NBPF15: variants seen among roughly 807,000 people sequenced by gnomAD.
The protein encoded by NBPF15 is NBPF family member NBPF15.
In NBPF15, 74 loss-of-function variants were observed where a neutral mutation model predicts 62.2. The ratio of observed to expected loss-of-function variants is 1.19; its 90% CI spans 0.99 to 1.44. The LOEUF (loss-of-function observed/expected upper bound fraction) is 1.44. Ranked by LOEUF, NBPF15 falls within the 40% of genes most tolerant of loss-of-function variation. The probability of loss-of-function intolerance (pLI) is 0.00; values close to 1 mark genes in which losing one functional copy is unlikely to be tolerated. For missense variants in NBPF15, 790 were observed against 550.0 expected, an observed-to-expected ratio of 1.44 and a Z score of -4.36; for synonymous variants, 244 against 209.7, an observed-to-expected ratio of 1.16 and a Z score of -1.41.
chr1:144,440,914 C>T (rs1195118490), intron 6 of NBPF15, among the ~76,000 whole-genome samples: 9 of 151,720 alleles, frequency 5.9e-5, no homozygotes, highest in South Asian at 2.1e-4. Flanking sequence ...CGTGATCTGC[C>T]GCCTCGGCCT....
At chr1:144,427,628 C>T (rs1257975704) in intron 16 of NBPF15, among the ~76,000 whole-genome samples, 190 bp downstream of exon 16, 5 of 145,634 alleles carry the variant, frequency 3.4e-5, no homozygotes, top group African/African-American at 1.1e-4. Context: ...AGGAAGAGAG[C>T]CTTGCTCACT....
chr1:144,447,853 G>A (rs1301441690), intron 6 of NBPF15, among the ~76,000 whole-genome samples: 40 of 152,060 alleles, frequency 2.6e-4, no homozygotes, highest in East Asian at 7.7e-4. Flanking sequence ...GTACAGCCTC[G>A]CTCAATTATG....
chr1:144,425,464 C>T, intron 19 of NBPF15, 53 bp downstream of exon 19: 1 of 350,764 alleles, frequency 2.9e-6, no homozygotes, highest in Non-Finnish European at 5.0e-6. Flanking sequence ...TTCCCTGAAC[C>T]AGGAGTCTCC....
chr1:144,454,543 C>T, intron 4 of NBPF15, among the ~76,000 whole-genome samples: 1 of 109,930 alleles, frequency 9.1e-6, no homozygotes, highest in Non-Finnish European at 1.7e-5. Flanking sequence ...TAAAAAATAA[C>T]ATCTATTACT....
Position 144,440,014 on chromosome 1 carries a change from G to C in NBPF15, c.-11C>G. On this transcript the variant is annotated 5_prime_UTR_variant, in exon 8 of 22. Transcript: ENST00000581897. ...GGCTGATACCACCATGCTGACGTTTGTGGCAGAAGAGGTGGAGTCAGGGAC... is the reference window on the plus strand; with the variant it reads ...GGCTGATACCACCATGCTGACGTTTCTGGCAGAAGAGGTGGAGTCAGGGAC... 2.5e-6 allele frequency: 4 copies of C among 1,606,504 alleles called. No homozygotes were observed. The highest frequency in any genetic ancestry group is 3.4e-6 in the Non-Finnish European group (4 of 1,174,858).
intron 18 of NBPF15, 104 bp downstream of exon 18, chr1:144,426,174 G>A (rs1363310122): frequency 2.9e-5 from 19 of 648,804 alleles, no homozygotes; most frequent in Middle Eastern, 4.0e-4. Context: ...TCCTGCCTGC[G>A]GCAATGACAT....
chr1:144,439,053 G>A (rs1553541997), intron 8 of NBPF15, among the ~76,000 whole-genome samples: 1 of 151,248 alleles, frequency 6.6e-6, no homozygotes, highest in Non-Finnish European at 1.5e-5. Flanking sequence ...GCAAAATCTT[G>A]GCTCACTGCA....
At chr1:144,458,483 T>C (rs1386366892) in intron 3 of NBPF15, among the ~76,000 whole-genome samples, 1 of 150,602 alleles carries the variant, frequency 6.6e-6, no homozygotes, top group Non-Finnish European at 1.5e-5. Flanking sequence ...CATTTATAAA[T>C]TATCACCTAT....
chr1:144,451,031 G>A (rs587656000), intron 4 of NBPF15, among the ~76,000 whole-genome samples, 161 bp from the exon 5 acceptor site: 95 of 152,112 alleles, frequency 6.2e-4, no homozygotes, highest in African/African-American at 2.2e-3. Context: ...AGCATATGGA[G>A]GACCCATGCC....
chr1:144,445,236 ATG>A lies in NBPF15; in HGVS notation c.-191+3537_-191+3538del, dbSNP rs1161129674. On this transcript the variant is annotated intron_variant, in intron 6 of 21. Coordinates refer to ENST00000581897, the MANE Select transcript of NBPF15 (RefSeq NM_001385408.1). The stretch of plus-strand genomic sequence containing the variant: ...TTTATCTTATCAGACTGCAATATGT[ATG>A]TGTGTGTGTGTGTTTGTGTGTGTCT... Among the ~76,000 whole-genome samples the A allele has an allele frequency of 9.4e-4, 130 of 137,884 alleles. 1 individual carries two copies. The highest frequency in any genetic ancestry group is 1.5e-3 in the Non-Finnish European group (94 of 64,146). The allele number at this position is 137,884 out of a possible 152,430, so 90.5% of individuals were successfully genotyped here.
At chr1:144,440,559 A>T (rs1344991625) in intron 6 of NBPF15, 1 of 262,412 alleles carries the variant, frequency 3.8e-6, no homozygotes, top group Non-Finnish European at 7.2e-6. Flanking sequence ...AGGCAGAAAC[A>T]GTTTCCCAAC....
intron 6 of NBPF15, among the ~76,000 whole-genome samples, chr1:144,447,982 G>A (rs753915926): frequency 5.3e-5 from 8 of 152,124 alleles, no homozygotes; most frequent in Non-Finnish European, 7.4e-5. Flanking sequence ...AGCCACTGTC[G>A]GCTGCTCATT....
chr1:144,439,759 C>A (rs1681449894), intron 8 of NBPF15, 70 bp downstream of exon 8: 1 of 1,111,674 alleles, frequency 9.0e-7, no homozygotes, highest in Non-Finnish European at 1.4e-6. Flanking sequence ...ATGGAGAGAG[C>A]ATTTAGTGTC....
chr1:144,436,363 C>T (rs1406640388), intron 10 of NBPF15, among the ~76,000 whole-genome samples: 1 of 151,892 alleles, frequency 6.6e-6, no homozygotes, highest in Non-Finnish European at 1.5e-5. Context: ...CACAAAACGC[C>T]CCCACATAAA....
intron 6 of NBPF15, among the ~76,000 whole-genome samples, chr1:144,445,560 C>T (rs1322325168): frequency 6.7e-6 from 1 of 148,614 alleles, no homozygotes; most frequent in Non-Finnish European, 1.5e-5. Flanking sequence ...GTAGTGAATT[C>T]ATTCGCCATT....
chr1:144,427,656 G>A (rs1162778530), intron 16 of NBPF15, among the ~76,000 whole-genome samples, 162 bp downstream of exon 16: 1 of 145,958 alleles, frequency 6.9e-6, no homozygotes, highest in Non-Finnish European at 1.5e-5. Context: ...CCCTTGTCTG[G>A]GCTTCCAAGT....
intron 12 of NBPF15, 79 bp downstream of exon 12, chr1:144,435,032 G>A (rs587720785): frequency 7.4e-6 from 12 of 1,610,834 alleles, no homozygotes; most frequent in South Asian, 1.1e-5. Flanking sequence ...AAATGAATTT[G>A]TGTTGATAGA....
intron 16 of NBPF15, 49 bp from the exon 17 acceptor site, chr1:144,427,147 A>G (rs1316416085): frequency 1.8e-6 from 1 of 560,872 alleles, no homozygotes; most frequent in Non-Finnish European, 3.1e-6. Flanking sequence ...GTTCTCCTAC[A>G]CACATAACAA....
chr1:144,442,677 C>G, intron 6 of NBPF15: 1 of 157,636 alleles, frequency 6.3e-6, no homozygotes, highest in Non-Finnish European at 1.4e-5. Flanking sequence ...CACCTTCCAT[C>G]TGGGCCGCCA....
Sources: allele counts gnomAD v4.1 joint callset (sites outside exome capture counted in the v4.1 genomes callset), GRCh38; gene constraint gnomAD v4.1.1; transcripts MANE v1.5; gene names NCBI Gene and HGNC (gene_info 2026-07-23, HGNC 2026-07-21).